Variants in LRRC36 observed in about 807,000 individuals in gnomAD.
The protein encoded by LRRC36 is leucine rich repeat containing 36.
Under a neutral mutation model 81.1 loss-of-function variants are expected in LRRC36, and 62 were observed. The observed-to-expected ratio is 0.76, with a 90% confidence interval of 0.62 to 0.94. LRRC36 has a LOEUF of 0.94. LRRC36 is among the 40% of genes least tolerant of loss of function. LRRC36 has a pLI of 0.00. For missense variants in LRRC36, 761 were observed against 881.7 expected (o/e 0.86, Z 1.73); for synonymous variants, 334 against 348.6 (o/e 0.96, Z 0.47).
At chr16:67,340,398 C>T (rs2037974597) in intron 1 of LRRC36, among the ~76,000 whole-genome samples, 1 of 152,050 alleles carries the variant, frequency 6.6e-6, no homozygotes, top group Non-Finnish European at 1.5e-5. Flanking sequence ...TGGCTCATGC[C>T]TGTAATCCCA....
chr16:67,346,559 T>C, intron 3 of LRRC36, 111 bp downstream of exon 3: 1 of 539,250 alleles, frequency 1.9e-6, no homozygotes, highest in Non-Finnish European at 3.1e-6. Flanking sequence ...TATTTGTTTA[T>C]TAGTCAATAT....
At chr16:67,329,407 C>T (rs553576946) in intron 1 of LRRC36, among the ~76,000 whole-genome samples, 8 of 152,158 alleles carry the variant, frequency 5.3e-5, no homozygotes, top group Admixed American at 3.9e-4. Flanking sequence ...TCTCCTGCCT[C>T]AGCTTCCTGA....
rs2039155518 is a variant in LRRC36, at chr16:67,361,763, C to T, written c.578-1827C>T. Among the ~76,000 whole-genome samples the T allele has an allele frequency of 2.0e-5, 3 of 152,030 alleles. No homozygotes were observed. In the South Asian group the frequency reaches 6.2e-4, roughly 32 times the overall value. On this transcript the variant is annotated intron_variant, in intron 5 of 13. Transcript: ENST00000329956. ...TTTATTTTTAGTAGAGACGGAGTTT[C>T]ACCATGTTGGCCACGCTGGTCTCGA...
intron 2 of LRRC36, among the ~76,000 whole-genome samples, chr16:67,343,372 G>A (rs1403904796): frequency 1.3e-5 from 2 of 151,972 alleles, no homozygotes; most frequent in East Asian, 3.9e-4. Context: ...ACCAGCCTGA[G>A]CAACATAGTG....
rs1264470268 is a variant in LRRC36 at position 67,341,602 on chromosome 16, C to T, written c.71-355C>T. On this transcript the variant is annotated intron_variant, in intron 1 of 13. Coordinates refer to ENST00000329956, the MANE Select transcript of LRRC36 (RefSeq NM_018296.6). ...TATCTTAAAACCGCTCTGAAATTGA[C>T]ATCCTTGTGCTATATTTTATATAAC... Among the ~76,000 whole-genome samples, 3 of 151,962 alleles carry T rather than the reference C, an allele frequency of 2.0e-5. No homozygotes were observed. The East Asian group carries it at 5.8e-4, about 29-fold the overall frequency.
intron 5 of LRRC36, among the ~76,000 whole-genome samples, chr16:67,353,524 T>C (rs1382687924): frequency 6.6e-6 from 1 of 152,060 alleles, no homozygotes; most frequent in Non-Finnish European, 1.5e-5. Context: ...ATAGCTGGGA[T>C]TACAGGTGCG....
In LRRC36 at chr16:67,367,033, G is replaced by A. The variant is rs368769349; in HGVS notation, c.771G>A (p.Ser257=). 3.4e-5 allele frequency: 54 copies of A among 1,608,400 alleles called. No homozygotes were observed. Among genetic ancestry groups the A allele is most frequent in the African/African-American group, 1.5e-4 (11 of 74,510 alleles). Reference sequence around the variant, plus strand: ...GGTGTTTAGAGTTCAGACACTACTCGCCTCGTCAGTCCACAGTCCGATCCC... The same window carrying A: ...GGTGTTTAGAGTTCAGACACTACTCACCTCGTCAGTCCACAGTCCGATCCC... ...NHQEDEFRHY[S]PRQSTVRSPE... is the part of the protein sequence containing the mutation. The change falls in exon 8 of 14, where the codon TCG becomes TCA. Residue 257 remains serine (S), a synonymous_variant. Transcript: ENST00000329956.
intron 1 of LRRC36, among the ~76,000 whole-genome samples, chr16:67,339,217 G>T (rs942978757): frequency 6.7e-6 from 1 of 148,488 alleles, no homozygotes; most frequent in Non-Finnish European, 1.5e-5. Context: ...CAAGGTGCCA[G>T]TAGCTTTTGC....
intron 2 of LRRC36, among the ~76,000 whole-genome samples, chr16:67,345,171 C>G (rs1024852751): frequency 6.6e-6 from 1 of 151,894 alleles, no homozygotes; most frequent in African/African-American, 2.4e-5. Context: ...AATAGTTAGC[C>G]AGGTGTGGTG....
In LRRC36 at chr16:67,367,080, G is replaced by A. The variant is rs1048550718; in HGVS notation, c.818G>A (p.Gly273Glu). 7.4e-6 allele frequency: 12 copies of A among 1,613,908 alleles called. No individual in the cohort carries two copies. Among genetic ancestry groups the A allele is most frequent in the African/African-American group, 5.3e-5 (4 of 74,888 alleles). Reference sequence around the variant, plus strand: ...TCCCCAGAGAAGATGACTAGAGAAGGGTACCAAGTATCTTTTTTGGACAAT... The same window carrying A: ...TCCCCAGAGAAGATGACTAGAGAAGAGTACCAAGTATCTTTTTTGGACAAT... ...VRSPEKMTRE[G>E]YQVSFLDNKS... is the part of the protein sequence containing the mutation. Residue 273 changes from glycine to glutamate, a missense_variant, in exon 8 of 14, where the codon GGG becomes GAG. Coordinates refer to ENST00000329956, the MANE Select transcript of LRRC36 (RefSeq NM_018296.6).
chr16:67,380,457 G>C (rs1054093683), intron 12 of LRRC36, among the ~76,000 whole-genome samples: 3 of 152,054 alleles, frequency 2.0e-5, no homozygotes, highest in African/African-American at 4.8e-5. Context: ...GCATAGTTTA[G>C]GCCAGTATGT....
At chr16:67,349,396 GA>G (rs1270927515) in intron 4 of LRRC36, among the ~76,000 whole-genome samples, 1 of 151,810 alleles carries the variant, frequency 6.6e-6, no homozygotes, top group African/African-American at 2.4e-5. Context: ...ATGATTACAT[GA>G]AATGGTGATT....
At chr16:67,334,329 A>G (rs771628886) in intron 1 of LRRC36, among the ~76,000 whole-genome samples, 19 of 132,276 alleles carry the variant, frequency 1.4e-4, no homozygotes, top group Non-Finnish European at 3.1e-4. Context: ...GTCCACCATT[A>G]TTTTTTATTT....
At chr16:67,365,394 A>G in intron 7 of LRRC36, 39 bp downstream of exon 7, 1 of 1,568,438 alleles carries the variant, frequency 6.4e-7, no homozygotes. Context: ...CCCCCACACT[A>G]ATCAGAGAAG....
At chr16:67,382,969 A>G (rs2040166185) in intron 13 of LRRC36, among the ~76,000 whole-genome samples, 2 of 150,128 alleles carry the variant, frequency 1.3e-5, no homozygotes, top group South Asian at 4.3e-4. Context: ...GTTACTGGGG[A>G]GACTGAGACA....
At chr16:67,336,600 G>A (rs1002256794) in intron 1 of LRRC36, 1 of 152,002 alleles carries the variant, frequency 6.6e-6, no homozygotes, top group African/African-American at 2.4e-5. Flanking sequence ...TGTTTGTTTA[G>A]TGGAGTGTCT....
intron 5 of LRRC36, among the ~76,000 whole-genome samples, chr16:67,352,001 C>T (rs1467547846): frequency 6.6e-6 from 1 of 152,082 alleles, no homozygotes; most frequent in Non-Finnish European, 1.5e-5. Flanking sequence ...TATCCATTTC[C>T]AGACAGAGAA....
intron 13 of LRRC36, among the ~76,000 whole-genome samples, chr16:67,383,718 A>C (rs1025952969): frequency 1.4e-4 from 22 of 152,252 alleles, no homozygotes; most frequent in Non-Finnish European, 1.8e-4. Flanking sequence ...ATTTTGATTT[A>C]ATCTTGTTTT....
intron 9 of LRRC36, 109 bp from the exon 10 acceptor site, chr16:67,375,138 T>TAA: frequency 1.0e-4 from 107 of 1,037,724 alleles, no homozygotes; most frequent in Non-Finnish European, 1.3e-4. Flanking sequence ...AAAAAAAAAT[T>TAA]AAAAAAAAAA....
Sources: gnomAD v4.1 joint callset for allele counts (sites outside exome capture counted in the v4.1 genomes callset) on GRCh38, gnomAD v4.1.1 for gene constraint, MANE v1.5 for transcripts, NCBI Gene and HGNC (gene_info 2026-07-23, HGNC 2026-07-21) for gene names.